SETD5: variants seen among roughly 807,000 people sequenced by gnomAD.
The protein encoded by SETD5 is histone-lysine N-methyltransferase SETD5.
A neutral mutation model predicts 153.3 loss-of-function variants in SETD5; 44 were observed. The ratio of observed to expected loss-of-function variants is 0.29; its 90% CI spans 0.23 to 0.37. The LOEUF (loss-of-function observed/expected upper bound fraction) is 0.37. Ranked by LOEUF, SETD5 falls within the 10% of genes least tolerant of loss-of-function variation. The probability of loss-of-function intolerance (pLI) is 1.00; values close to 1 mark genes in which losing one functional copy is unlikely to be tolerated. For missense variants in SETD5, 1,544 were observed against 1,768.0 expected (o/e 0.87, Z 2.27); for synonymous variants, 716 against 645.2 (o/e 1.11, Z -1.66).
At position 9,408,184 on chromosome 3, in the gene SETD5, C is replaced by T. The variant is rs562374080; in HGVS notation, c.-177+10207C>T. On this transcript the variant is annotated intron_variant, in intron 1 of 22. Coordinates refer to ENST00000402198, the MANE Select transcript of SETD5 (RefSeq NM_001080517.3). ...TGTAGAGGATTGTGAGACTTTTAGT[C>T]GCTACCTAGCAACCTAGTTTTTCTT... Among the ~76,000 whole-genome samples the T allele has an allele frequency of 3.9e-5, 6 of 152,208 alleles. 1 individual carries two copies. The South Asian group carries it at 1.2e-3, about 32-fold the overall frequency.
At chr3:9,460,667 A>T (rs182994925) in intron 17 of SETD5, among the ~76,000 whole-genome samples, 10 of 152,266 alleles carry the variant, frequency 6.6e-5, no homozygotes, top group Admixed American at 5.9e-4. Context: ...AATAAGATAA[A>T]TATATTTCAA....
In SETD5 at chr3:9,459,880, GATAAA is replaced by G. The variant is rs1425008560; in HGVS notation, c.2477-4540_2477-4536del. On this transcript the variant is annotated intron_variant, in intron 17 of 22. Coordinates refer to ENST00000402198, the MANE Select transcript of SETD5 (RefSeq NM_001080517.3). Reference sequence around the variant, plus strand: ...ACACAGTGACTTTTATCAATTTAATGATAAAATAACATACTATGATCTTTTAATAT... The same window carrying G: ...ACACAGTGACTTTTATCAATTTAATGATAACATACTATGATCTTTTAATAT... 2.0e-5 allele frequency among the ~76,000 whole-genome samples: 3 copies of G among 151,972 alleles called. No individual in the cohort carries two copies. The East Asian group carries it at 5.8e-4, about 29-fold the overall frequency.
intron 18 of SETD5, chr3:9,468,572 C>T (rs778815444): frequency 1.0e-5 from 13 of 1,304,312 alleles, no homozygotes; most frequent in Non-Finnish European, 1.3e-5. Context: ...CCCTGTCACC[C>T]GAGGTAGTTA....
At chr3:9,471,147 A>G (rs913138985) in intron 19 of SETD5, among the ~76,000 whole-genome samples, 3 of 152,218 alleles carry the variant, frequency 2.0e-5, no homozygotes, top group African/African-American at 7.2e-5. Flanking sequence ...TATACTTGCT[A>G]GGCAATTGAG....
chr3:9,429,739 T>C (rs1559389733), intron 3 of SETD5: 3 of 872,696 alleles, frequency 3.4e-6, no homozygotes, highest in Non-Finnish European at 3.1e-6. Flanking sequence ...GTATCCCTTC[T>C]CTTTTAAGTT....
In SETD5 at chr3:9,473,238, A is replaced by G. The variant is rs950514293; in HGVS notation, c.3198A>G (p.Val1066=). 3.7e-6 allele frequency: 6 copies of G among 1,609,598 alleles called. No individual in the cohort carries two copies. The highest frequency in any genetic ancestry group is 1.1e-5 in the South Asian group (1 of 90,974). The change falls in exon 20 of 23, where the codon GTA becomes GTG. Residue 1066 remains valine, a splice_region_variant and synonymous_variant. Coordinates refer to ENST00000402198, the MANE Select transcript of SETD5 (RefSeq NM_001080517.3). ...TTTGTTTGTTTTTTCCTTTCTAGGT[A>G]TCCCTGCTGGAGTACCGAAAACGGA... ...APQNPPQRKK[V]SLLEYRKRKQ... is the part of the protein sequence containing the mutation.
intron 1 of SETD5, among the ~76,000 whole-genome samples, chr3:9,414,179 AAC>A (rs1324768644): frequency 6.6e-6 from 1 of 152,356 alleles, no homozygotes; most frequent in East Asian, 1.9e-4. Flanking sequence ...ATTCTAGAAA[AAC>A]AGTCACAAAG....
chr3:9,407,799 G>A (rs771348166), intron 1 of SETD5, among the ~76,000 whole-genome samples: 1 of 152,098 alleles, frequency 6.6e-6, no homozygotes, highest in Non-Finnish European at 1.5e-5. Context: ...TCTGGAGTTC[G>A]AGAGCAGCCT....
chr3:9,428,963 G>T lies in SETD5; in HGVS notation c.25G>T (p.Val9Phe). MSIAIPLG[V>F]TTSDTSYSDM... The stretch of plus-strand genomic sequence containing the variant: ...CATGAGCATTGCAATCCCTCTGGGA[G>T]TCACCACATCAGATACATCCTACTC... The change falls in exon 3 of 23, where the codon GTC becomes TTC. Residue 9 changes from valine (V) to phenylalanine (F), a missense_variant. Val to Phe is a conservative substitution (Grantham distance 50). Coordinates refer to ENST00000402198, the MANE Select transcript of SETD5 (RefSeq NM_001080517.3). 6.8e-6 allele frequency: 11 copies of T among 1,613,358 alleles called. No individual in the cohort carries two copies. The highest frequency in any genetic ancestry group is 8.5e-6 in the Non-Finnish European group (10 of 1,179,562).
Position 9,464,512 on chromosome 3 carries a change from C to T in SETD5, c.2564C>T (p.Thr855Ile), listed in dbSNP as rs1409630716. The stretch of plus-strand genomic sequence containing the variant: ...TTACTTCGGCCTCTGTCTCCAGTCA[C>T]ACCACCCCCTCCCAATTCAGGCTCA... ...TKLLRPLSPV[T>I]PPPPNSGSKS... Residue 855 changes from threonine (T) to isoleucine (I), a missense_variant, in exon 18 of 23, where the codon ACA becomes ATA. By Grantham distance (89) the Thr-to-Ile change is moderately conservative. Around this residue, in one of 9 missense-constraint regions of SETD5, gnomAD observed 782 missense variants for 787.2 expected, o/e 0.99. Transcript: ENST00000402198. The T allele has an allele frequency of 6.2e-7, 1 of 1,613,900 alleles. No homozygotes were observed. Among genetic ancestry groups the T allele is most frequent in the East Asian group, 2.2e-5 (1 of 44,898 alleles).
chr3:9,465,400 T>G, intron 18 of SETD5, among the ~76,000 whole-genome samples: 1 of 152,230 alleles, frequency 6.6e-6, no homozygotes, highest in East Asian at 1.9e-4. Flanking sequence ...CCATGTATAC[T>G]TTTTTAAAAC....
chr3:9,445,408 C>A (rs2041820298), intron 12 of SETD5, 108 bp downstream of exon 12: 10 of 1,177,836 alleles, frequency 8.5e-6, no homozygotes, highest in African/African-American at 1.5e-5. Flanking sequence ...ACACTTAGTG[C>A]CCTTTATATC....
In SETD5 at chr3:9,445,962, G is replaced by GTTTTTTTT. The variant is rs1432231015; in HGVS notation, c.1524+224_1524+225insTTTTTTTT. ...TATTATCTAGTGATGGTTTGAAGAG[G>GTTTTTTTT]TTGTTTTTTTTTTTTTTTTTTTTTT... On this transcript the variant is annotated intron_variant, in intron 13 of 22. Coordinates refer to ENST00000402198, the MANE Select transcript of SETD5 (RefSeq NM_001080517.3). 6.2e-4 allele frequency among the ~76,000 whole-genome samples: 74 copies of GTTTTTTTT among 120,222 alleles called. 2 individuals are homozygous for GTTTTTTTT. The highest frequency in any genetic ancestry group is 2.2e-3 in the African/African-American group (63 of 28,622). The allele number at this position is 120,222 out of a possible 152,430, so 78.9% of individuals were successfully genotyped here. A position where few individuals can be genotyped will look rare whatever the true frequency, so the allele number is the denominator to read the frequency against.
chr3:9,403,347 C>T (rs966996051), intron 1 of SETD5, among the ~76,000 whole-genome samples: 23 of 152,130 alleles, frequency 1.5e-4, no homozygotes, highest in Non-Finnish European at 2.9e-4. Flanking sequence ...CCCGAGGAGA[C>T]CCGTTCTAGA....
At chr3:9,433,716 C>G (rs552954451) in intron 3 of SETD5, 129 bp from the exon 4 acceptor site, 6 of 996,132 alleles carry the variant, frequency 6.0e-6, no homozygotes, top group African/African-American at 4.8e-5. Context: ...ATTGTTTCAC[C>G]GAGTTCTTTC....
At chr3:9,459,758 G>T (rs933538002) in intron 17 of SETD5, among the ~76,000 whole-genome samples, 1 of 150,482 alleles carries the variant, frequency 6.6e-6, no homozygotes, top group African/African-American at 2.4e-5. Flanking sequence ...AATATACGAT[G>T]ACTAAGGTTC....
chr3:9,475,238 A>T, intron 22 of SETD5, 82 bp downstream of exon 22: 1 of 1,348,544 alleles, frequency 7.4e-7, no homozygotes, highest in Non-Finnish European at 1.0e-6. Flanking sequence ...TGCCATTGAG[A>T]TGCTGTCTTT....
At chr3:9,440,857 T>C (rs2041190568) in intron 8 of SETD5, among the ~76,000 whole-genome samples, 159 bp downstream of exon 8, 1 of 152,134 alleles carries the variant, frequency 6.6e-6, no homozygotes, top group Non-Finnish European at 1.5e-5. Flanking sequence ...TAGGTTATAT[T>C]AACTGGAAAC....
At chr3:9,420,832 A>ATT (rs201642422) in intron 1 of SETD5, among the ~76,000 whole-genome samples, 15,446 of 142,004 alleles carry the variant, frequency 0.11, 2,627 homozygotes, top group African/African-American at 0.37. Context: ...CTTCTCTCTC[A>ATT]TTTTTTTTTT....
Sources: allele counts gnomAD v4.1 joint callset (sites outside exome capture counted in the v4.1 genomes callset), GRCh38; gene constraint gnomAD v4.1.1; regional missense constraint gnomAD v4.1.1; transcripts MANE v1.5; gene names NCBI Gene and HGNC (gene_info 2026-07-23, HGNC 2026-07-21).